The following POC1B variants were observed in gnomAD, a reference collection of about 807,000 sequenced individuals.
The protein encoded by POC1B is POC1 centriolar protein homolog B.
Under a neutral mutation model 60.6 loss-of-function variants are expected in POC1B, and 44 were observed. The observed-to-expected ratio is 0.73, with a 90% confidence interval of 0.57 to 0.93. The LOEUF (loss-of-function observed/expected upper bound fraction) is 0.93, where lower values mean the gene tolerates loss of function less well. Ranked by LOEUF, POC1B falls within the 40% of genes least tolerant of loss-of-function variation. The pLI, the probability that POC1B is intolerant of heterozygous loss-of-function variation, is 0.00. For synonymous variants in POC1B, 180 were observed against 198.9 expected (o/e 0.90, Z 0.80); for missense variants, 555 against 572.3 (o/e 0.97, Z 0.31).
At chr12:89,439,757 C>T (rs1050851951) in intron 10 of POC1B, among the ~76,000 whole-genome samples, 2 of 152,074 alleles carry the variant, frequency 1.3e-5, no homozygotes, top group African/African-American at 4.8e-5. Context: ...GCATGTACAA[C>T]CATGCCTGGC....
At chr12:89,433,130 A>C (rs1270546153) in intron 10 of POC1B, among the ~76,000 whole-genome samples, 7 of 152,226 alleles carry the variant, frequency 4.6e-5, no homozygotes, top group Non-Finnish European at 8.8e-5. Flanking sequence ...AGAAGAATGC[A>C]AAGTGAAGAA....
chr12:89,520,753 T>C (rs928106704), intron 2 of POC1B: 2 of 152,340 alleles, frequency 1.3e-5, no homozygotes, highest in East Asian at 3.9e-4. Flanking sequence ...AAGTGAACAC[T>C]AAAAGCAACT....
In POC1B at chr12:89,420,017, G is replaced by C. The variant is rs989698141; in HGVS notation, c.*1136C>G. 5.3e-5 allele frequency: 8 copies of C among 152,174 alleles called. No individual in the cohort carries two copies. The highest frequency in any genetic ancestry group is 5.9e-5 in the Non-Finnish European group (4 of 67,988). 9.4% of individuals were successfully genotyped at this position (152,174 alleles called of 1,614,324 possible). On this transcript the variant is annotated 3_prime_UTR_variant, in exon 12 of 12. Transcript: ENST00000313546. ...ACTATTTCTTCTTTTCCAAAACACAGAATAGCATTTTCCCCATGTTACCTA... is the reference window on the plus strand; with the variant it reads ...ACTATTTCTTCTTTTCCAAAACACACAATAGCATTTTCCCCATGTTACCTA...
chr12:89,512,027 G>A (rs577388271), intron 2 of POC1B, among the ~76,000 whole-genome samples: 20 of 152,294 alleles, frequency 1.3e-4, no homozygotes, highest in South Asian at 6.2e-4. Context: ...GCCTTCCAGC[G>A]TGGGTGACAG....
chr12:89,525,668 G>A, intron 1 of POC1B: 1 of 1,259,330 alleles, frequency 7.9e-7, no homozygotes, highest in Non-Finnish European at 1.0e-6. Flanking sequence ...GGAACTCGGG[G>A]AAGAGCGTCC....
At chr12:89,501,309 G>A (rs1565752040) in intron 2 of POC1B, 5 of 1,005,422 alleles carry the variant, frequency 5.0e-6, no homozygotes, top group Non-Finnish European at 7.9e-6. Flanking sequence ...AATATGAAAT[G>A]TATTCCAAGA....
At chr12:89,467,999 C>A (rs1882749265) in intron 7 of POC1B, among the ~76,000 whole-genome samples, 1 of 152,158 alleles carries the variant, frequency 6.6e-6, no homozygotes, top group Non-Finnish European at 1.5e-5. Flanking sequence ...GATTTTCTGG[C>A]TTTGGACTCT....
the POC1B span, among the ~76,000 whole-genome samples, chr12:89,412,914 T>C: frequency 6.8e-6 from 1 of 147,242 alleles, no homozygotes; most frequent in African/African-American, 2.5e-5. Context: ...CTCCCTCCCT[T>C]CTTTGTCTCA....
At position 89,496,845 on chromosome 12, in the gene POC1B, G is replaced by T. The variant is rs1181715801; in HGVS notation, c.272+326C>A. Among the ~76,000 whole-genome samples the T allele has an allele frequency of 8.5e-5, 13 of 152,236 alleles. No homozygotes were observed. The East Asian group carries it at 2.1e-3, about 25-fold the overall frequency. On this transcript the variant is annotated intron_variant, in intron 3 of 11. Transcript: ENST00000313546. ...AGGAAGTTAATAAACTGAATTTTTG[G>T]TTATACATACTGATGTGTATCATTC...
intron 4 of POC1B, among the ~76,000 whole-genome samples, chr12:89,477,835 C>A (rs182253586): frequency 6.6e-6 from 1 of 152,138 alleles, no homozygotes; most frequent in African/African-American, 2.4e-5. Flanking sequence ...TATCCTCCTG[C>A]GTCTTCATCT....
chr12:89,524,264 G>A (rs1182574311), intron 2 of POC1B: 4 of 1,614,012 alleles, frequency 2.5e-6, no homozygotes, highest in Middle Eastern at 1.6e-4. Flanking sequence ...CTCTCAATGA[G>A]TTCTTCTTGC....
the POC1B span, among the ~76,000 whole-genome samples, chr12:89,409,523 T>C: frequency 6.6e-6 from 1 of 152,148 alleles, no homozygotes; most frequent in Admixed American, 6.5e-5. Context: ...TTGGTTACTG[T>C]AGCCTTGTAT....
At chr12:89,412,086 C>T in the POC1B span, among the ~76,000 whole-genome samples, 1 of 152,318 alleles carries the variant, frequency 6.6e-6, no homozygotes, top group African/African-American at 2.4e-5. Context: ...GGGGATTAAG[C>T]AGGGGAAACA....
chr12:89,409,856 A>T, the POC1B span, among the ~76,000 whole-genome samples: 1 of 152,220 alleles, frequency 6.6e-6, no homozygotes, highest in Non-Finnish European at 1.5e-5. Flanking sequence ...ACAGATTCAC[A>T]GCTGAATTCC....
chr12:89,469,082 T>C (rs1374650093), intron 7 of POC1B, among the ~76,000 whole-genome samples: 1 of 152,080 alleles, frequency 6.6e-6, no homozygotes, highest in African/African-American at 2.4e-5. Flanking sequence ...CTGGCCAACA[T>C]GGTGAAACCT....
intron 2 of POC1B, chr12:89,501,506 T>C (rs1869564678): frequency 3.0e-6 from 3 of 985,606 alleles, no homozygotes; most frequent in African/African-American, 1.6e-5. Flanking sequence ...CGTGAAGAGA[T>C]GGGAAATGAT....
intron 2 of POC1B, chr12:89,501,364 C>T (rs1429734414): frequency 9.7e-7 from 1 of 1,028,326 alleles, no homozygotes; most frequent in African/African-American, 1.6e-5. Flanking sequence ...AAAACAAAAA[C>T]AGAGAAGAAA....
intron 10 of POC1B, among the ~76,000 whole-genome samples, chr12:89,438,267 C>A (rs982065973): frequency 6.6e-6 from 1 of 152,158 alleles, no homozygotes; most frequent in East Asian, 2.0e-4. Flanking sequence ...ACCATCCTGG[C>A]TAACACGGTG....
In POC1B at chr12:89,514,402, C is replaced by CTT. The variant is rs60679774; in HGVS notation, c.100+10716_100+10717dup. On this transcript the variant is annotated intron_variant, in intron 2 of 11. Transcript: ENST00000313546. Reference sequence around the variant, plus strand: ...ATAAGTTACTCAGTTTCATGTATTTCTTTTTTTTTTTTTTTTTTTTTTTTT... The same window carrying CTT: ...ATAAGTTACTCAGTTTCATGTATTTCTTTTTTTTTTTTTTTTTTTTTTTTTTT... Among the ~76,000 whole-genome samples the CTT allele has an allele frequency of 6.0e-4, 40 of 67,086 alleles. 3 individuals carry two copies. The highest frequency in any genetic ancestry group is 7.0e-4 in the Non-Finnish European group (27 of 38,360). 44.0% of individuals were successfully genotyped at this position (67,086 alleles called of 152,430 possible).
Sources: allele counts gnomAD v4.1 joint callset (sites outside exome capture counted in the v4.1 genomes callset), GRCh38; gene constraint gnomAD v4.1.1; transcripts MANE v1.5; gene names NCBI Gene and HGNC (gene_info 2026-07-23, HGNC 2026-07-21).